GC: variants seen among roughly 807,000 people sequenced by gnomAD.
GC encodes the protein GC vitamin D binding protein, also known as vitamin D-binding protein.
GC carries 43 observed loss-of-function variants against 56.7 expected under a neutral mutation model. The ratio of observed to expected loss-of-function variants is 0.76; its 90% CI spans 0.59 to 0.98. GC has a LOEUF of 0.98. Ranked by LOEUF, GC falls within the 50% of genes least tolerant of loss-of-function variation. The pLI is 0.00. For missense variants in GC, 529 were observed against 545.9 expected, an observed-to-expected ratio of 0.97 and a Z score of 0.31; for synonymous variants, 216 against 202.7, an observed-to-expected ratio of 1.07 and a Z score of -0.56.
intron 8 of GC, 90 bp downstream of exon 8, chr4:71,756,622 A>T: frequency 2.6e-6 from 2 of 783,936 alleles, no homozygotes; most frequent in Non-Finnish European, 4.5e-6. Context: ...GAAATGAGTG[A>T]TAGCATACCT....
upstream of GC, among the ~76,000 whole-genome samples, chr4:71,786,444 A>G (rs1023292969): frequency 6.6e-6 from 1 of 151,844 alleles, no homozygotes; most frequent in Admixed American, 6.6e-5. Flanking sequence ...CTATAATAGC[A>G]GCAGTTATAG....
chr4:71,788,353 G>A (rs1239118779), upstream of GC, among the ~76,000 whole-genome samples: 1 of 151,746 alleles, frequency 6.6e-6, no homozygotes, highest in Non-Finnish European at 1.5e-5. Flanking sequence ...ATTCCACAGA[G>A]TGCAGGAGTT....
intron 8 of GC, among the ~76,000 whole-genome samples, chr4:71,755,782 T>A (rs1463357014): frequency 2.0e-5 from 3 of 152,226 alleles, no homozygotes; most frequent in Non-Finnish European, 4.4e-5. Flanking sequence ...GGCTTTTCTG[T>A]GAAAATTGGT....
chr4:71,765,904 T>C (rs1490887987), intron 3 of GC, among the ~76,000 whole-genome samples: 1 of 152,174 alleles, frequency 6.6e-6, no homozygotes, highest in African/African-American at 2.4e-5. Context: ...ACAGTGTTTA[T>C]CTGATTAGAG....
intron 6 of GC, among the ~76,000 whole-genome samples, chr4:71,761,807 C>T (rs1310237807): frequency 7.2e-5 from 11 of 152,156 alleles, no homozygotes; most frequent in East Asian, 3.9e-4. Context: ...GTTGAGCCTG[C>T]GGATGCACAG....
chr4:71,798,214 T>C (rs1251102537), intron 1 of GC, among the ~76,000 whole-genome samples: 3 of 152,258 alleles, frequency 2.0e-5, no homozygotes, highest in Admixed American at 6.5e-5. Context: ...CACTTGACTA[T>C]ATTTGCTTTT....
chr4:71,782,170 T>C (rs143896347), intron 1 of GC, among the ~76,000 whole-genome samples: 102 of 151,906 alleles, frequency 6.7e-4, no homozygotes, highest in African/African-American at 2.3e-3. Flanking sequence ...AAATAAATGC[T>C]GTGGGTGGTC....
chr4:71,765,344 A>G, intron 4 of GC, 88 bp downstream of exon 4: 1 of 998,646 alleles, frequency 1.0e-6, no homozygotes, highest in Admixed American at 1.7e-5. Flanking sequence ...TTGCTGTAGA[A>G]GAGGTGTTTC....
chr4:71,758,304 C>G lies in GC; in HGVS notation c.702-133G>C. On this transcript the variant is annotated intron_variant, in intron 6 of 12. Transcript: ENST00000273951. ...CCTCAAGAGATGCATGGGAGCACAT[C>G]TGCCATGCGATAGATCTTATGTACC... 26 of 697,514 alleles carry G rather than the reference C, an allele frequency of 3.7e-5. 2 individuals are homozygous for G. The South Asian group carries it at 4.1e-4, about 11-fold the overall frequency. 43.2% of individuals were successfully genotyped at this position (697,514 alleles called of 1,614,324 possible).
intron 6 of GC, among the ~76,000 whole-genome samples, chr4:71,762,709 T>C (rs758543103): frequency 3.3e-5 from 5 of 152,184 alleles, no homozygotes; most frequent in Non-Finnish European, 7.3e-5. Context: ...ATGAGTTTCA[T>C]GAGATCTGAT....
At chr4:71,763,301 C>G (rs996051368) in intron 6 of GC, 107 bp downstream of exon 6, 1 of 487,990 alleles carries the variant, frequency 2.0e-6, no homozygotes, top group Non-Finnish European at 3.6e-6. Flanking sequence ...GCTGAAAAGT[C>G]TATTTTATAT....
At chr4:71,768,956 A>G (rs947275367) in intron 2 of GC, among the ~76,000 whole-genome samples, 3 of 152,198 alleles carry the variant, frequency 2.0e-5, no homozygotes, top group African/African-American at 7.2e-5. Flanking sequence ...GCTTCCATCA[A>G]ACCAATCTGG....
intron 1 of GC, among the ~76,000 whole-genome samples, chr4:71,799,753 T>C (rs1743204672): frequency 1.3e-5 from 2 of 152,166 alleles, no homozygotes; most frequent in Admixed American, 1.3e-4. Context: ...AGAAACTGAT[T>C]TCATTTACAA....
chr4:71,785,760 T>C (rs1742818197), upstream of GC, among the ~76,000 whole-genome samples: 1 of 151,798 alleles, frequency 6.6e-6, no homozygotes, highest in African/African-American at 2.4e-5. Context: ...TTTAAAAATG[T>C]ATTTTAGTTC....
At chr4:71,754,925 A>T (rs1046865786) in intron 9 of GC, 53 bp downstream of exon 9, 2 of 1,366,460 alleles carry the variant, frequency 1.5e-6, no homozygotes, top group African/African-American at 3.0e-5. Flanking sequence ...CATGAACTAT[A>T]ATTTTCCAAC....
At chr4:71,763,672 C>A in intron 5 of GC, 132 bp downstream of exon 5, 5 of 807,232 alleles carry the variant, frequency 6.2e-6, no homozygotes, top group Admixed American at 4.7e-5. Flanking sequence ...ATTTATTTTC[C>A]AATTAAGAAG....
At chr4:71,803,443 A>G (rs1404999364) in intron 1 of GC, among the ~76,000 whole-genome samples, 2 of 152,166 alleles carry the variant, frequency 1.3e-5, no homozygotes, top group Non-Finnish European at 2.9e-5. Flanking sequence ...GTTAATGCAT[A>G]ATCAATGATG....
At position 71,803,684 on chromosome 4, in the gene GC, A is replaced by G. The variant is rs567962160; in HGVS notation, c.21+242T>C. Among the ~76,000 whole-genome samples the G allele has an allele frequency of 2.0e-5, 3 of 152,322 alleles. No individual in the cohort carries two copies. The South Asian group carries it at 6.2e-4, about 32-fold the overall frequency. Reference sequence around the variant, plus strand: ...TTGGTATAAACTCATCGCTCTCAACATACTCTGTCTTTTGGAAATATGAAT... The same window carrying G: ...TTGGTATAAACTCATCGCTCTCAACGTACTCTGTCTTTTGGAAATATGAAT... On this transcript the variant is annotated intron_variant, in intron 1 of 13. Coordinates refer to the GC transcript ENST00000504199.
upstream of GC, among the ~76,000 whole-genome samples, chr4:71,786,391 A>G (rs1451321948): frequency 6.6e-6 from 1 of 151,846 alleles, no homozygotes; most frequent in African/African-American, 2.4e-5. Context: ...TCAGATGGGG[A>G]AAAAATGGGT....
Sources: allele counts gnomAD v4.1 joint callset (sites outside exome capture counted in the v4.1 genomes callset), GRCh38; gene constraint gnomAD v4.1.1; transcripts MANE v1.5; gene names NCBI Gene and HGNC (gene_info 2026-07-23, HGNC 2026-07-21).